BRAT1: variants seen among roughly 807,000 people sequenced by gnomAD.
The protein encoded by BRAT1 is BRCA1 associated ATM activator 1, also known as integrator complex assembly factor BRAT1.
Under a neutral mutation model 70.6 loss-of-function variants are expected in BRAT1, and 74 were observed. The observed-to-expected ratio is 1.05, with a 90% CI of 0.87 to 1.27. The LOEUF is 1.27. Ranked by LOEUF, BRAT1 falls within the 50% of genes most tolerant of loss-of-function variation. The probability of loss-of-function intolerance (pLI) is 0.00; values close to 1 mark genes in which losing one functional copy is unlikely to be tolerated. For synonymous variants in BRAT1, 615 were observed against 517.1 expected (o/e 1.19, Z -2.57); for missense variants, 1,203 against 1,098.2 (o/e 1.10, Z -1.35).
At chr7:2,552,869 C>G (rs956580433) in intron 2 of BRAT1, among the ~76,000 whole-genome samples, 11 of 151,094 alleles carry the variant, frequency 7.3e-5, no homozygotes, top group African/African-American at 2.7e-4. Context: ...TCCCAAGTAA[C>G]TGGGACTACA....
At chr7:2,549,779 A>G (rs1779866373) in intron 2 of BRAT1, among the ~76,000 whole-genome samples, 1 of 152,218 alleles carries the variant, frequency 6.6e-6, no homozygotes, top group African/African-American at 2.4e-5. Context: ...GAGAGAAAAG[A>G]CACAGTAGGC....
In BRAT1 at chr7:2,554,356, C is replaced by A; in HGVS notation, c.76G>T (p.Asp26Tyr). The A allele has an allele frequency of 6.2e-7, 1 of 1,614,094 alleles. No homozygotes were observed. Among genetic ancestry groups the A allele is most frequent in the South Asian group, 1.1e-5 (1 of 91,070 alleles). Residue 26 changes from aspartate to tyrosine, a missense_variant, in exon 2 of 14, where the codon GAC becomes TAC. Coordinates refer to ENST00000340611, the MANE Select transcript of BRAT1 (RefSeq NM_152743.4). ...TCCAGGAGCTTCTCCAAACAGGTGT[C>A]ATCTGCCACCGGCTGCCTGGGATCT... ...LVDPRQPVAD[D>Y]TCLEKLLDWF... is the part of the protein sequence containing the mutation.
At position 2,544,908 on chromosome 7, in the gene BRAT1, C is replaced by T; in HGVS notation, c.430+1G>A. On this transcript the variant is annotated splice_donor_variant, in intron 4 of 13. Coordinates refer to ENST00000340611, the MANE Select transcript of BRAT1 (RefSeq NM_152743.4). LOFTEE classifies it high-confidence loss of function. ...ATGGGGTGGGGTGTGGGCGCACTCA[C>T]CATGGTCGGCCAGGAAGCGCAGGGC... 4 of 1,549,752 alleles carry T rather than the reference C, an allele frequency of 2.6e-6. No individual in the cohort carries two copies. Among genetic ancestry groups the T allele is most frequent in the Non-Finnish European group, 3.5e-6 (4 of 1,146,878 alleles).
chr7:2,540,161 G>A (rs1779036716), intron 10 of BRAT1: 1 of 416,732 alleles, frequency 2.4e-6, no homozygotes, highest in Non-Finnish European at 4.3e-6. Flanking sequence ...TGGGGCTAGA[G>A]GCACACATCA....
At chr7:2,544,500 C>G (rs13245075) in intron 4 of BRAT1, among the ~76,000 whole-genome samples, 18,503 of 152,156 alleles carry the variant, frequency 0.12, 1,524 homozygotes, top group Admixed American at 0.17. Flanking sequence ...CCGTGCCCAG[C>G]CTCGTTTCTT....
At chr7:2,551,730 A>G (rs1465191533) in intron 2 of BRAT1, among the ~76,000 whole-genome samples, 2 of 151,804 alleles carry the variant, frequency 1.3e-5, no homozygotes, top group African/African-American at 4.8e-5. Flanking sequence ...ACTAGGCCAC[A>G]GTTGAAGACC....
At chr7:2,546,792 C>A (rs1458532324) in intron 3 of BRAT1, among the ~76,000 whole-genome samples, 1 of 152,016 alleles carries the variant, frequency 6.6e-6, no homozygotes, top group East Asian at 1.9e-4. Flanking sequence ...AAAAAAAAGA[C>A]ATTCTCATTA....
Position 2,538,663 on chromosome 7 carries a change from G to A in BRAT1, c.1872C>T (p.His624=), listed in dbSNP as rs916113390. 1.2e-5 allele frequency: 19 copies of A among 1,598,232 alleles called. No homozygotes were observed. The highest frequency in any genetic ancestry group is 4.0e-5 in the African/African-American group (3 of 74,934). Residue 624 remains histidine (H), a synonymous_variant, in exon 14 of 14, where the codon CAC becomes CAT. Coordinates refer to ENST00000340611, the MANE Select transcript of BRAT1 (RefSeq NM_152743.4). ...QVFTEWLRDG[H]ADAAQDTEQF... ...GCTCCGTGTCCTGGGCCGCGTCGGC[G>A]TGGCCGTCCCGCAGCCACTCAGTGA...
In BRAT1 at chr7:2,538,234, CTGG is replaced by C; in HGVS notation, c.2298_2300del (p.Asp766_Gln767delinsGlu). Reference sequence around the variant, plus strand: ...GCATGGCCAGCACAGCCTCAGGCTCCTGGTCCCCTGGGGGCTGGGCCTGCTCAC... The same window carrying C: ...GCATGGCCAGCACAGCCTCAGGCTCCTCCCCTGGGGGCTGGGCCTGCTCAC... On this transcript the variant is annotated inframe_deletion, in exon 14 of 14. Transcript: ENST00000340611. 6.2e-7 allele frequency: 1 copy of C among 1,609,692 alleles called. No homozygotes were observed. Among genetic ancestry groups the C allele is most frequent in the Admixed American group, 1.7e-5 (1 of 59,892 alleles).
At chr7:2,552,609 C>T (rs149713337) in intron 2 of BRAT1, among the ~76,000 whole-genome samples, 242 of 151,548 alleles carry the variant, frequency 1.6e-3, no homozygotes, top group African/African-American at 5.6e-3. Context: ...TAAAAGAACA[C>T]GGTAAACCAA....
At chr7:2,548,531 T>C (rs1779775811) in intron 2 of BRAT1, among the ~76,000 whole-genome samples, 1 of 151,912 alleles carries the variant, frequency 6.6e-6, no homozygotes, top group Non-Finnish European at 1.5e-5. Flanking sequence ...CCCGGCATGG[T>C]GGCACACATC....
intron 2 of BRAT1, among the ~76,000 whole-genome samples, chr7:2,553,881 A>C (rs1780219277): frequency 6.6e-6 from 1 of 151,288 alleles, no homozygotes; most frequent in South Asian, 2.1e-4. Context: ...TCCTGGACTT[A>C]AGCAATCCGC....
At chr7:2,542,345 C>T in intron 6 of BRAT1, 134 bp from the exon 7 acceptor site, 1 of 755,994 alleles carries the variant, frequency 1.3e-6, no homozygotes, top group South Asian at 1.6e-5. Context: ...TCTCTGCAGG[C>T]CACTGGCCAG....
intron 9 of BRAT1, 21 bp from the exon 10 acceptor site, chr7:2,541,073 T>A (rs1315131845): frequency 6.5e-7 from 1 of 1,544,578 alleles, no homozygotes; most frequent in Non-Finnish European, 8.7e-7. Context: ...GGTGAGTGGA[T>A]AAACCACCCC....
At chr7:2,538,954 G>A (rs1012936740) in intron 13 of BRAT1, 190 bp from the exon 14 acceptor site, 1 of 1,447,876 alleles carries the variant, frequency 6.9e-7, no homozygotes, top group African/African-American at 1.4e-5. Flanking sequence ...TCTGTCAAAT[G>A]GAGGTAACCA....
At position 2,547,294 on chromosome 7, in the gene BRAT1, G is replaced by T. The variant is rs554946628; in HGVS notation, c.282+30C>A. 14 of 1,611,504 alleles carry T rather than the reference G, an allele frequency of 8.7e-6. No individual in the cohort carries two copies. In the South Asian group the frequency reaches 1.5e-4, roughly 18 times the overall value. The stretch of plus-strand genomic sequence containing the variant: ...GGAAAAGCCTGCCCACCTCTCCACG[G>T]GACACTCAGGTGGGAGGCCCCAGGC... On this transcript the variant is annotated intron_variant, in intron 3 of 13. Transcript: ENST00000340611.
chr7:2,538,101 A>C lies in BRAT1; in HGVS notation c.2434T>G (p.Phe812Val), dbSNP rs757188244. Residue 812 changes from phenylalanine (F) to valine (V), a missense_variant, in exon 14 of 14, where the codon TTC becomes GTC. Coordinates refer to ENST00000340611, the MANE Select transcript of BRAT1 (RefSeq NM_152743.4). ...CAGTCGGCCTCGTCCCCCTGCAGGA[A>C]GCCTCCCGTGGCCAGCATGTCCTGC... is the stretch of plus-strand genomic sequence containing the variant. ...LLQDMLATGG[F>V]LQGDEADCY is the part of the protein sequence containing the mutation. The C allele has an allele frequency of 6.3e-7, 1 of 1,585,080 alleles. No individual in the cohort carries two copies. Among genetic ancestry groups the C allele is most frequent in the Admixed American group, 1.7e-5 (1 of 58,104 alleles).
In BRAT1 at chr7:2,538,144, C is replaced by T. The variant is rs1188652865; in HGVS notation, c.2391G>A (p.Lys797=). 1 of 1,608,628 alleles carries T rather than the reference C, an allele frequency of 6.2e-7. No homozygotes were observed. Among genetic ancestry groups the T allele is most frequent in the Non-Finnish European group, 8.5e-7 (1 of 1,176,884 alleles). Reference sequence around the variant, plus strand: ...TGTCCTGCAGGAGGGACTGGGGACTCTTTTCCACGTGGTCGCTGCTCTCGG... The same window carrying T: ...TGTCCTGCAGGAGGGACTGGGGACTTTTTTCCACGTGGTCGCTGCTCTCGG... ...TLAESSDHVE[K]SPQSLLQDML... The change falls in exon 14 of 14, where the codon AAG becomes AAA. Residue 797 remains lysine (K), a synonymous_variant. Coordinates refer to ENST00000340611, the MANE Select transcript of BRAT1 (RefSeq NM_152743.4).
intron 9 of BRAT1, 99 bp downstream of exon 9, chr7:2,541,199 G>T: frequency 8.4e-7 from 1 of 1,189,328 alleles, no homozygotes; most frequent in Non-Finnish European, 1.1e-6. Context: ...CCCCAGAGAA[G>T]AAACAGAGAG....
Sources: allele counts gnomAD v4.1 joint callset (sites outside exome capture counted in the v4.1 genomes callset), GRCh38; gene constraint gnomAD v4.1.1; transcripts MANE v1.5; gene names NCBI Gene and HGNC (gene_info 2026-07-23, HGNC 2026-07-21).